Variants in RPGR observed in about 807,000 individuals in gnomAD.
The protein encoded by RPGR is retinitis pigmentosa GTPase regulator.
RPGR carries 10 observed loss-of-function variants against 56.3 expected under a neutral mutation model. That is an observed-to-expected ratio of 0.18 (90% confidence interval 0.11 to 0.30). The LOEUF (loss-of-function observed/expected upper bound fraction) is 0.30, where lower values mean the gene tolerates loss of function less well. Ranked by LOEUF, RPGR falls within the 10% of genes least tolerant of loss-of-function variation. The pLI, the probability that RPGR is intolerant of heterozygous loss-of-function variation, is 1.00. For missense variants in RPGR, 538 were observed against 590.9 expected, an observed-to-expected ratio of 0.91 and a Z score of 0.93; for synonymous variants, 197 against 212.9, an observed-to-expected ratio of 0.93 and a Z score of 0.65.
intron 15 of RPGR, among the ~76,000 whole-genome samples, chrX:38,277,919 C>T (rs187468650): frequency 2.9e-4 from 32 of 112,090 alleles, no homozygotes; most frequent in African/African-American, 1.0e-3. Context: ...ATACAGTACA[C>T]CTTAATAGTA....
chrX:38,293,771 A>G (rs1049993180), intron 11 of RPGR, among the ~76,000 whole-genome samples: 3 of 111,787 alleles, frequency 2.7e-5, no homozygotes, highest in Non-Finnish European at 3.8e-5. Flanking sequence ...GCCTGTTAAA[A>G]TGTAGGATGT....
rs1330535186 is a variant in RPGR at position 38,299,068 on chromosome X, T to G, written c.1133A>C (p.Asp378Ala). ...AGATAAGCAAGTATCATTTATTTCATCGAATTCAATTTCTTTTGCCACACC... is the reference window on the plus strand; with the variant it reads ...AGATAAGCAAGTATCATTTATTTCAGCGAATTCAATTTCTTTTGCCACACC... The change falls in exon 10 of 19, where the codon GAT becomes GCT. Residue 378 changes from aspartate (D) to alanine (A), a missense_variant. Asp to Ala is a moderately radical substitution (Grantham distance 126, BLOSUM62 -2). Transcript: ENST00000642395. 2 of 1,211,619 alleles carry G rather than the reference T, an allele frequency of 1.7e-6. No homozygotes were observed. The highest frequency in any genetic ancestry group is 2.2e-6 in the Non-Finnish European group (2 of 895,472).
intron 15 of RPGR, chrX:38,284,868 A>T (rs1248680509): frequency 1.3e-6 from 1 of 749,360 alleles, no homozygotes; most frequent in African/African-American, 2.3e-5. Context: ...TCCAGATTAT[A>T]CATTTAAATT....
chrX:38,286,251 TTCC>T lies in RPGR; in HGVS notation c.1905+840_1905+842del, dbSNP rs751721873. The T allele has an allele frequency of 4.6e-4, 311 of 669,483 alleles. 1 individual carries two copies. The East Asian group carries it at 0.027, about 58-fold the overall frequency. The allele number at this position is 669,483 out of a possible 1,213,427, so 55.2% of individuals were successfully genotyped here. A position where few individuals can be genotyped will look rare whatever the true frequency, so the allele number is the denominator to read the frequency against. On this transcript the variant is annotated intron_variant, in intron 15 of 18. Transcript: ENST00000642395. ...CTTCCTCCTCCCCTTTCCCTTCTCC[TTCC>T]TCCTCTTCTCCCTCCCCTTCTCCTT... is the stretch of plus-strand genomic sequence containing the variant.
chrX:38,280,142 G>A (rs1164456098), intron 15 of RPGR, among the ~76,000 whole-genome samples: 4 of 111,240 alleles, frequency 3.6e-5, no homozygotes, highest in African/African-American at 1.3e-4. Flanking sequence ...CAGAGGGTTT[G>A]TGTAAAGATT....
At chrX:38,309,629 A>G (rs2067672837) in intron 7 of RPGR, among the ~76,000 whole-genome samples, 1 of 112,307 alleles carries the variant, frequency 8.9e-6, no homozygotes, top group Non-Finnish European at 1.9e-5. Context: ...GGAGTTTGAG[A>G]CCAGCCTTGC....
intron 7 of RPGR, among the ~76,000 whole-genome samples, chrX:38,309,254 CTTTCT>C (rs1400125023): frequency 9.0e-6 from 1 of 111,607 alleles, no homozygotes; most frequent in African/African-American, 3.3e-5. Context: ...AAGGTCCTAA[CTTTCT>C]TTTATTATCT....
At chrX:38,297,830 C>T (rs1472965811) in intron 10 of RPGR, among the ~76,000 whole-genome samples, 1 of 112,045 alleles carries the variant, frequency 8.9e-6, no homozygotes, top group Non-Finnish European at 1.9e-5. Flanking sequence ...CCAGATTTAA[C>T]CTTTTTACTT....
chrX:38,323,017 C>A lies in RPGR; in HGVS notation c.155-72G>T, dbSNP rs1186434224. 11 of 775,904 alleles carry A rather than the reference C, an allele frequency of 1.4e-5. No individual in the cohort carries two copies. In the African/African-American group the frequency reaches 2.3e-4, roughly 16 times the overall value. 63.9% of individuals were successfully genotyped at this position (775,904 alleles called of 1,213,427 possible). Reference sequence around the variant, plus strand: ...AATGTAAGATGAGGTCACCACAAAGCAATAAAAAGCTATACTTTTAAAATG... The same window carrying A: ...AATGTAAGATGAGGTCACCACAAAGAAATAAAAAGCTATACTTTTAAAATG... On this transcript the variant is annotated intron_variant, in intron 2 of 18. Coordinates refer to ENST00000642395, the MANE Select transcript of RPGR (RefSeq NM_000328.3).
intron 1 of RPGR, chrX:38,325,953 G>A (rs1349033008): frequency 1.8e-5 from 2 of 111,835 alleles, no homozygotes; most frequent in African/African-American, 6.5e-5. Flanking sequence ...GTACCAGAAA[G>A]GAAAACATAG....
At position 38,287,905 on chromosome X, in the gene RPGR, G is replaced by A. The variant is rs202154504; in HGVS notation, c.1709C>T (p.Thr570Met). Residue 570 changes from threonine (T) to methionine (M), a missense_variant, in exon 14 of 19, where the codon ACG becomes ATG. Transcript: ENST00000642395. ...TGCTTCGATAGTCGTAGCTGGCTGC[G>A]TCATGAAAATCCCTTGTGACACATG... The A allele has an allele frequency of 1.1e-4, 130 of 1,209,251 alleles. 1 individual carries two copies. The highest frequency in any genetic ancestry group is 4.9e-4 in the South Asian group (28 of 56,684).
intron 1 of RPGR, chrX:38,325,731 T>G (rs757578738): frequency 2.7e-5 from 3 of 112,021 alleles, no homozygotes; most frequent in Non-Finnish European, 3.8e-5. Flanking sequence ...GAGGAGTACA[T>G]GGGGATGTTG....
At chrX:38,308,115 T>A (rs1032108525) in intron 7 of RPGR, 3 of 111,906 alleles carry the variant, frequency 2.7e-5, no homozygotes, top group African/African-American at 9.7e-5. Context: ...GTTTTTCTCC[T>A]GTATTCCCCC....
At chrX:38,299,167 T>C (rs376772129) in intron 9 of RPGR, 26 bp from the exon 10 acceptor site, 13 of 1,193,967 alleles carry the variant, frequency 1.1e-5, no homozygotes, top group Non-Finnish European at 1.4e-5. Flanking sequence ...ACAGAAAAAC[T>C]CATCAACATT....
intron 17 of RPGR, chrX:38,273,546 T>C: frequency 1.2e-6 from 1 of 802,361 alleles, no homozygotes; most frequent in Non-Finnish European, 1.8e-6. Flanking sequence ...ATGCTCTCAG[T>C]GAAACTCTAT....
At chrX:38,297,138 G>A (rs1262124075) in intron 11 of RPGR, 146 bp downstream of exon 11, 3 of 592,654 alleles carry the variant, frequency 5.1e-6, no homozygotes, top group Non-Finnish European at 8.3e-6. Flanking sequence ...GGATATTCCC[G>A]GATTTGAGTT....
chrX:38,323,772 A>AAT (rs2067992772), intron 1 of RPGR, among the ~76,000 whole-genome samples: 1 of 112,143 alleles, frequency 8.9e-6, no homozygotes, highest in Non-Finnish European at 1.9e-5. Flanking sequence ...TAAAGTAAGA[A>AAT]ATATACTATC....
chrX:38,312,823 G>T (rs1206067375), intron 6 of RPGR, among the ~76,000 whole-genome samples: 1 of 110,860 alleles, frequency 9.0e-6, no homozygotes, highest in Non-Finnish European at 1.9e-5. Flanking sequence ...ACGCATCTTT[G>T]TCCTAGCTAC....
At chrX:38,323,331 C>T (rs2067983631) in intron 2 of RPGR, 68 bp downstream of exon 2, 2 of 949,481 alleles carry the variant, frequency 2.1e-6, no homozygotes, top group African/African-American at 3.9e-5. Flanking sequence ...AACACAGCAG[C>T]ATATCTATAA....
Sources: gnomAD v4.1 joint callset for allele counts (sites outside exome capture counted in the v4.1 genomes callset) on GRCh38, gnomAD v4.1.1 for gene constraint, MANE v1.5 for transcripts, NCBI Gene and HGNC (gene_info 2026-07-23, HGNC 2026-07-21) for gene names.